Variants in CENPI observed in about 807,000 individuals in gnomAD.
CENPI encodes the protein centromere protein I.
Under a neutral mutation model 60.4 loss-of-function variants are expected in CENPI, and 4 were observed. The observed-to-expected ratio is 0.07, with a 90% CI of 0.03 to 0.15. CENPI has a LOEUF of 0.15. Among genes scored for constraint, CENPI ranks in the 10% least tolerant of loss-of-function variants. The pLI, the probability that CENPI is intolerant of heterozygous loss-of-function variation, is 1.00. For missense variants in CENPI, 444 were observed against 534.5 expected (o/e 0.83, Z 1.67); for synonymous variants, 157 against 189.4 (o/e 0.83, Z 1.40).
chrX:101,140,734 C>T lies in CENPI; in HGVS notation c.1539C>T (p.His513=). Residue 513 remains histidine (H), a synonymous_variant, in exon 16 of 22, where the codon CAC becomes CAT. Coordinates refer to ENST00000682095, the MANE Select transcript of CENPI (RefSeq NM_001386188.2). ...NWLLWLSMDI[H]MKPVTNSPLE... Reference sequence around the variant, plus strand: ...TGTTGTGGCTTTCTATGGACATTCACATGAAACCTGTTACAAACAGTCCTC... The same window carrying T: ...TGTTGTGGCTTTCTATGGACATTCATATGAAACCTGTTACAAACAGTCCTC... The T allele has an allele frequency of 8.3e-7, 1 of 1,197,920 alleles. No homozygotes were observed. The highest frequency in any genetic ancestry group is 1.1e-6 in the Non-Finnish European group (1 of 882,702).
chrX:101,177,666 T>C, the CENPI span, among the ~76,000 whole-genome samples: 3 of 112,069 alleles, frequency 2.7e-5, no homozygotes, highest in East Asian at 2.8e-4. Flanking sequence ...AGGTGGGTGC[T>C]CACACTTTGG....
intron 21 of CENPI, among the ~76,000 whole-genome samples, chrX:101,161,838 T>C (rs1015544734): frequency 1.8e-5 from 2 of 112,277 alleles, no homozygotes; most frequent in Admixed American, 9.5e-5. Flanking sequence ...GATTTGTTAC[T>C]GGCGTAACAA....
At chrX:101,131,428 C>T (rs1374141386) in intron 13 of CENPI, among the ~76,000 whole-genome samples, 1 of 111,073 alleles carries the variant, frequency 9.0e-6, no homozygotes, top group African/African-American at 3.3e-5. Context: ...GGATGGCATT[C>T]ACTGAGAAAA....
At chrX:101,155,815 A>T (rs1181123016) in intron 20 of CENPI, among the ~76,000 whole-genome samples, 1 of 111,988 alleles carries the variant, frequency 8.9e-6, no homozygotes, top group Admixed American at 9.6e-5. Context: ...TATTGAAGAA[A>T]AATGTTAAAG....
rs916791942 is a variant in CENPI at position 101,098,558 on chromosome X, A to C, written c.-14+19A>C. On this transcript the variant is annotated intron_variant, in intron 2 of 21. Coordinates refer to ENST00000682095, the MANE Select transcript of CENPI (RefSeq NM_001386188.2). ...GGATTGAGTAAGTGTCATTCCGACT[A>C]TTCCTTTAGTTTTTCCTATTTGCAG... 9.0e-6 allele frequency: 1 copy of C among 111,286 alleles called. No individual in the cohort carries two copies. Among genetic ancestry groups the C allele is most frequent in the Admixed American group, 9.6e-5 (1 of 10,410 alleles). The allele number at this position is 111,286 out of a possible 1,213,427, so 9.2% of individuals were successfully genotyped here. A position where few individuals can be genotyped will look rare whatever the true frequency, so the allele number is the denominator to read the frequency against.
rs2089407935 is a variant in CENPI at position 101,100,965 on chromosome X, T to A, written c.-13-93T>A. On this transcript the variant is annotated intron_variant, in intron 2 of 21. Coordinates refer to ENST00000682095, the MANE Select transcript of CENPI (RefSeq NM_001386188.2). ...TGTATGCCTGTTGTATGCTAGCTAT[T>A]GTATACTAAATACTGGAAACACACC... 7 of 549,953 alleles carry A rather than the reference T, an allele frequency of 1.3e-5. No individual in the cohort carries two copies. In the Admixed American group the frequency reaches 2.1e-4, roughly 17 times the overall value. 45.3% of individuals were successfully genotyped at this position (549,953 alleles called of 1,213,427 possible).
chrX:101,106,263 G>A (rs192997134), intron 4 of CENPI, among the ~76,000 whole-genome samples: 1 of 111,466 alleles, frequency 9.0e-6, no homozygotes, highest in East Asian at 2.8e-4. Flanking sequence ...GGAAAGCAGA[G>A]ATTTTTATTT....
chrX:101,166,449 C>T (rs1158507837), downstream of CENPI, among the ~76,000 whole-genome samples: 2 of 112,905 alleles, frequency 1.8e-5, no homozygotes, highest in Non-Finnish European at 3.7e-5. Flanking sequence ...CCACCGTGCC[C>T]AGCCCTCTTT....
At chrX:101,125,731 G>A (rs1257976333) in intron 8 of CENPI, among the ~76,000 whole-genome samples, 1 of 111,482 alleles carries the variant, frequency 9.0e-6, no homozygotes, top group East Asian at 2.8e-4. Flanking sequence ...TTTTAAATGG[G>A]GCTTTGGGAG....
chrX:101,127,050 A>G, intron 9 of CENPI, 88 bp from the exon 10 acceptor site: 1 of 792,946 alleles, frequency 1.3e-6, no homozygotes, highest in Non-Finnish European at 1.8e-6. Flanking sequence ...ATTTCATAAT[A>G]TATTTTCAAT....
chrX:101,108,032 G>A lies in CENPI; in HGVS notation c.365-1441G>A, dbSNP rs750721106. On this transcript the variant is annotated intron_variant, in intron 4 of 21. Coordinates refer to ENST00000682095, the MANE Select transcript of CENPI (RefSeq NM_001386188.2). ...AGCCTCCCAAAGTGCTAGAATTACA[G>A]GCGTGAGCTACTGTGCCCGGCAAAA... Among the ~76,000 whole-genome samples, 4 of 109,944 alleles carry A rather than the reference G, an allele frequency of 3.6e-5. No individual in the cohort carries two copies. The South Asian group carries it at 1.6e-3, about 43-fold the overall frequency.
At chrX:101,137,219 A>C (rs2089856866) in intron 15 of CENPI, among the ~76,000 whole-genome samples, 1 of 112,205 alleles carries the variant, frequency 8.9e-6, no homozygotes, top group African/African-American at 3.2e-5. Flanking sequence ...GGCCTCTATT[A>C]TTTATTTCTA....
intron 20 of CENPI, among the ~76,000 whole-genome samples, chrX:101,156,785 A>G (rs1025620051): frequency 2.7e-5 from 3 of 110,193 alleles, no homozygotes; most frequent in African/African-American, 9.9e-5. Flanking sequence ...TTCACTTAGA[A>G]TAATAGTCTC....
intron 4 of CENPI, among the ~76,000 whole-genome samples, chrX:101,105,585 T>C (rs755126728): frequency 1.8e-5 from 2 of 111,582 alleles, no homozygotes; most frequent in South Asian, 7.5e-4. Context: ...TTTAGAAATT[T>C]TTTTTTCGTG....
downstream of CENPI, among the ~76,000 whole-genome samples, chrX:101,168,382 A>G (rs2090149161): frequency 8.9e-6 from 1 of 111,937 alleles, no homozygotes; most frequent in African/African-American, 3.2e-5. Context: ...CCTGGCCAAC[A>G]TGGCGAAACC....
chrX:101,129,447 AT>A (rs779826679), intron 12 of CENPI, among the ~76,000 whole-genome samples: 1 of 111,038 alleles, frequency 9.0e-6, no homozygotes, highest in African/African-American at 3.3e-5. Flanking sequence ...TTTTGACCAA[AT>A]TTGAGTGTTT....
chrX:101,139,483 A>G (rs1330674841), intron 15 of CENPI, among the ~76,000 whole-genome samples: 1 of 112,421 alleles, frequency 8.9e-6, no homozygotes, highest in Non-Finnish European at 1.9e-5. Flanking sequence ...AGATAATATA[A>G]CATTGTAATG....
chrX:101,151,131 T>C (rs1340464459), intron 20 of CENPI, among the ~76,000 whole-genome samples: 1 of 112,160 alleles, frequency 8.9e-6, no homozygotes, highest in Non-Finnish European at 1.9e-5. Flanking sequence ...TAATCCAAGT[T>C]CTGTGTCTGA....
chrX:101,142,342 A>G (rs1209540003), intron 16 of CENPI, among the ~76,000 whole-genome samples: 1 of 112,037 alleles, frequency 8.9e-6, no homozygotes. Flanking sequence ...AAATGGTGAT[A>G]CATGTGGATA....
Sources: allele counts gnomAD v4.1 joint callset (sites outside exome capture counted in the v4.1 genomes callset), GRCh38; gene constraint gnomAD v4.1.1; transcripts MANE v1.5; gene names NCBI Gene and HGNC (gene_info 2026-07-23, HGNC 2026-07-21).